The following CRIM1 variants were observed in gnomAD, a reference collection of about 807,000 sequenced individuals.
CRIM1 encodes cysteine-rich motor neuron 1 protein.
Under a neutral mutation model 116.4 loss-of-function variants are expected in CRIM1, and 32 were observed. That is an observed-to-expected ratio of 0.27 (90% CI 0.21 to 0.37). The LOEUF (loss-of-function observed/expected upper bound fraction) is 0.37. Ranked by LOEUF, CRIM1 falls within the 10% of genes least tolerant of loss-of-function variation. The probability of loss-of-function intolerance (pLI) is 1.00; values close to 1 mark genes in which losing one functional copy is unlikely to be tolerated. For missense variants in CRIM1, 1,331 were observed against 1,354.8 expected (o/e 0.98, Z 0.28); for synonymous variants, 590 against 509.2 (o/e 1.16, Z -2.13).
At chr2:36,402,871 C>T (rs10186135) in intron 2 of CRIM1, among the ~76,000 whole-genome samples, 110,830 of 151,724 alleles carry the variant, frequency 0.73, 41,517 homozygotes, top group East Asian at 0.98. Context: ...TAGGAAGGAC[C>T]CAGGAGTTTT....
rs745419386 is a variant in CRIM1 at position 36,512,403 on chromosome 2, G to A, written c.1780+9G>A. ...TATCTGCAAGTGCAGAGGTAAGTGTGTACACATGGCCCTTCCCCCTCAAAG... is the reference window on the plus strand; with the variant it reads ...TATCTGCAAGTGCAGAGGTAAGTGTATACACATGGCCCTTCCCCCTCAAAG... On this transcript the variant is annotated intron_variant, in intron 10 of 16. Transcript: ENST00000280527. 4 of 1,605,280 alleles carry A rather than the reference G, an allele frequency of 2.5e-6. No homozygotes were observed. The highest frequency in any genetic ancestry group is 3.4e-6 in the Non-Finnish European group (4 of 1,172,992).
chr2:36,540,686 A>G (rs1238537091), intron 14 of CRIM1, among the ~76,000 whole-genome samples: 2 of 152,168 alleles, frequency 1.3e-5, no homozygotes, highest in African/African-American at 4.8e-5. Context: ...GAGCAGCTGA[A>G]TGACATGTTC....
chr2:36,439,685 G>A (rs569832153), intron 2 of CRIM1, among the ~76,000 whole-genome samples: 8 of 152,174 alleles, frequency 5.3e-5, no homozygotes, highest in East Asian at 1.9e-4. Flanking sequence ...TTGTTCAGCC[G>A]TAAACTTCTC....
At chr2:36,419,132 T>C (rs1323655142) in intron 2 of CRIM1, among the ~76,000 whole-genome samples, 1 of 152,152 alleles carries the variant, frequency 6.6e-6, no homozygotes, top group Non-Finnish European at 1.5e-5. Context: ...AGTAGCTGAG[T>C]GGTTTATAGG....
intron 2 of CRIM1, among the ~76,000 whole-genome samples, chr2:36,404,941 T>C (rs1230854474): frequency 6.6e-6 from 1 of 152,218 alleles, no homozygotes; most frequent in African/African-American, 2.4e-5. Flanking sequence ...TTCACTTATT[T>C]CACTTCCTTT....
chr2:36,393,544 T>C (rs914757295), intron 1 of CRIM1, among the ~76,000 whole-genome samples: 1 of 152,156 alleles, frequency 6.6e-6, no homozygotes, highest in Non-Finnish European at 1.5e-5. Context: ...GTGAGGCTTC[T>C]TTGTCTACCG....
intron 1 of CRIM1, among the ~76,000 whole-genome samples, chr2:36,385,131 A>G (rs1200826561): frequency 6.6e-6 from 1 of 151,618 alleles, no homozygotes; most frequent in Non-Finnish European, 1.5e-5. Context: ...CAAGATATTT[A>G]GGGAAGATAT....
intron 6 of CRIM1, among the ~76,000 whole-genome samples, chr2:36,479,017 C>T (rs924053609): frequency 6.6e-6 from 1 of 152,136 alleles, no homozygotes; most frequent in Non-Finnish European, 1.5e-5. Flanking sequence ...ACCACTGTTG[C>T]CCACATGGTC....
intron 2 of CRIM1, among the ~76,000 whole-genome samples, chr2:36,423,620 T>C (rs1674236749): frequency 1.3e-5 from 2 of 152,218 alleles, no homozygotes; most frequent in African/African-American, 2.4e-5. Flanking sequence ...TTGCATACTT[T>C]GGGTTGGTGC....
chr2:36,543,845 T>C (rs1667128528), intron 14 of CRIM1, among the ~76,000 whole-genome samples: 1 of 152,154 alleles, frequency 6.6e-6, no homozygotes, highest in East Asian at 1.9e-4. Context: ...GGTAACATAA[T>C]GGACATCTGA....
chr2:36,505,214 G>A (rs1681307210), intron 8 of CRIM1, among the ~76,000 whole-genome samples: 1 of 152,122 alleles, frequency 6.6e-6, no homozygotes, highest in Admixed American at 6.6e-5. Flanking sequence ...CTGATAATAG[G>A]TTTGTAGGAA....
At chr2:36,378,150 A>C (rs1022933354) in intron 1 of CRIM1, among the ~76,000 whole-genome samples, 4 of 152,222 alleles carry the variant, frequency 2.6e-5, no homozygotes, top group African/African-American at 9.6e-5. Context: ...AGATGGGTAG[A>C]TAGATGCTCT....
chr2:36,409,510 C>G (rs1159462538), intron 2 of CRIM1, among the ~76,000 whole-genome samples: 1 of 152,074 alleles, frequency 6.6e-6, no homozygotes, highest in Admixed American at 6.5e-5. Context: ...TGGGGCTGGC[C>G]CATTGCATAG....
At chr2:36,522,334 A>T in intron 13 of CRIM1, 21 bp downstream of exon 13, 4 of 1,551,912 alleles carry the variant, frequency 2.6e-6, no homozygotes, top group Non-Finnish European at 3.6e-6. Context: ...GGAAAAAAAA[A>T]TCCCTCATCT....
At chr2:36,511,100 C>G (rs1390186467) in intron 9 of CRIM1, among the ~76,000 whole-genome samples, 4 of 151,880 alleles carry the variant, frequency 2.6e-5, no homozygotes, top group African/African-American at 9.7e-5. Flanking sequence ...CGCCACCATG[C>G]CCAACTAATT....
intron 14 of CRIM1, among the ~76,000 whole-genome samples, 197 bp from the exon 15 acceptor site, chr2:36,544,179 T>C (rs539539405): frequency 6.6e-6 from 1 of 152,334 alleles, no homozygotes; most frequent in South Asian, 2.1e-4. Flanking sequence ...TTTTAAATGT[T>C]ATAAGACATG....
At chr2:36,543,418 A>G (rs1466522645) in intron 14 of CRIM1, among the ~76,000 whole-genome samples, 4 of 152,222 alleles carry the variant, frequency 2.6e-5, no homozygotes, top group Non-Finnish European at 5.9e-5. Context: ...TTTAATTTAT[A>G]TACTTATACT....
chr2:36,542,805 G>T (rs1457039505), intron 14 of CRIM1, among the ~76,000 whole-genome samples: 3 of 152,274 alleles, frequency 2.0e-5, no homozygotes, highest in Non-Finnish European at 2.9e-5. Flanking sequence ...ACACATGAGA[G>T]TTTTTCAGTG....
At chr2:36,457,101 T>TACC (rs1167880471) in intron 4 of CRIM1, among the ~76,000 whole-genome samples, 1 of 152,162 alleles carries the variant, frequency 6.6e-6, no homozygotes, top group East Asian at 1.9e-4. Context: ...TTATTATTAT[T>TACC]ACCAGTAGTA....
Sources: allele counts gnomAD v4.1 joint callset (sites outside exome capture counted in the v4.1 genomes callset), GRCh38; gene constraint gnomAD v4.1.1; transcripts MANE v1.5; gene names NCBI Gene and HGNC (gene_info 2026-07-23, HGNC 2026-07-21).